Variants in TCF4 observed in about 807,000 individuals in gnomAD.
TCF4 encodes transcription factor 4.
Under a neutral mutation model 82.1 loss-of-function variants are expected in TCF4, and 3 were observed. The ratio of observed to expected loss-of-function variants is 0.04; its 90% CI spans 0.02 to 0.09. The LOEUF (loss-of-function observed/expected upper bound fraction) is 0.09, where lower values mean the gene tolerates loss of function less well. TCF4 is among the 10% of genes least tolerant of loss of function. TCF4 has a pLI of 1.00. For missense variants in TCF4, 518 were observed against 852.7 expected, an observed-to-expected ratio of 0.61 and a Z score of 4.89; for synonymous variants, 276 against 309.6, an observed-to-expected ratio of 0.89 and a Z score of 1.14.
At chr18:55,474,850 C>T (rs2096258895) in intron 3 of TCF4, among the ~76,000 whole-genome samples, 1 of 152,106 alleles carries the variant, frequency 6.6e-6, no homozygotes, top group Non-Finnish European at 1.5e-5. Context: ...ACACAGCTCA[C>T]CACAGCCGCA....
intron 8 of TCF4, among the ~76,000 whole-genome samples, chr18:55,296,396 CA>C (rs1193201205): frequency 6.6e-6 from 1 of 152,112 alleles, no homozygotes; most frequent in Non-Finnish European, 1.5e-5. Flanking sequence ...CTCTTGAGTG[CA>C]ATGTGGGAAA....
At chr18:55,575,166 G>A (rs2097517031) in intron 3 of TCF4, among the ~76,000 whole-genome samples, 1 of 152,048 alleles carries the variant, frequency 6.6e-6, no homozygotes, top group African/African-American at 2.4e-5. Context: ...TAAAATCAGG[G>A]GAAAATTAGA....
intron 8 of TCF4, among the ~76,000 whole-genome samples, chr18:55,288,158 T>C (rs1488097447): frequency 6.6e-6 from 1 of 152,212 alleles, no homozygotes; most frequent in Non-Finnish European, 1.5e-5. Context: ...TTATCATAGC[T>C]ATAGAACATT....
chr18:55,575,456 T>C (rs1295200803), intron 3 of TCF4, among the ~76,000 whole-genome samples: 4 of 152,202 alleles, frequency 2.6e-5, no homozygotes, highest in South Asian at 2.1e-4. Flanking sequence ...GGTTGTAGGG[T>C]TGCAAAATAT....
rs1349067575 is a variant in TCF4, at chr18:55,633,077, T to G, written c.196-1689A>C. Among the ~76,000 whole-genome samples the G allele has an allele frequency of 6.6e-6, 1 of 152,250 alleles. No individual in the cohort carries two copies. Among genetic ancestry groups the G allele is most frequent in the African/African-American group, 2.4e-5 (1 of 41,476 alleles). ...GCTGTATAAGAAATTAACCTGAAGC[T>G]TAGTGGCTTAAAACAACATTAAGTA... On this transcript the variant is annotated intron_variant, in intron 1 of 20. Coordinates refer to the TCF4 transcript ENST00000398339. This position sits in a 1 kb window ranked among gnomAD's most constrained non-coding sequence, Gnocchi z 4.0.
At chr18:55,270,218 A>G (rs1396997170) in intron 10 of TCF4, among the ~76,000 whole-genome samples, 1 of 152,158 alleles carries the variant, frequency 6.6e-6, no homozygotes, top group African/African-American at 2.4e-5. Context: ...AAATGATCAC[A>G]ATCTCGAAAT....
chr18:55,623,040 T>A (rs966854809), intron 2 of TCF4, among the ~76,000 whole-genome samples: 6 of 152,162 alleles, frequency 3.9e-5, no homozygotes, highest in African/African-American at 1.4e-4. Context: ...TTATAGCTAA[T>A]AAAATTGTGA....
chr18:55,458,597 C>T (rs538999984), intron 5 of TCF4, among the ~76,000 whole-genome samples: 15 of 152,258 alleles, frequency 9.9e-5, no homozygotes, highest in Admixed American at 4.6e-4. Context: ...TATGGCTCAT[C>T]TGAAAAGTGG....
Position 55,501,220 on chromosome 18 carries a change from T to C in TCF4, c.146-37083A>G, listed in dbSNP as rs76926494. On this transcript the variant is annotated intron_variant, in intron 3 of 19. Coordinates refer to ENST00000354452, the MANE Select transcript of TCF4 (RefSeq NM_001083962.2). The stretch of plus-strand genomic sequence containing the variant: ...TTCATGCACATTATCACTTAATAAA[T>C]CAAGCCACTCTTAGTATTCATTTTA... Among the ~76,000 whole-genome samples, 329 of 152,262 alleles carry C rather than the reference T, an allele frequency of 2.2e-3. 3 individuals carry two copies. The highest frequency in any genetic ancestry group is 7.6e-3 in the African/African-American group (317 of 41,562).
chr18:55,320,592 GT>G (rs1436097823), intron 8 of TCF4, among the ~76,000 whole-genome samples: 7 of 152,190 alleles, frequency 4.6e-5, no homozygotes, highest in African/African-American at 9.7e-5. Flanking sequence ...ACATACACAT[GT>G]TTAATTCGTT....
chr18:55,359,922 G>A (rs2057080332), intron 6 of TCF4, among the ~76,000 whole-genome samples: 1 of 152,130 alleles, frequency 6.6e-6, no homozygotes, highest in Non-Finnish European at 1.5e-5. Context: ...TCTATGACAG[G>A]TTTGGTTGAA....
chr18:55,512,097 A>C (rs2096834773), intron 3 of TCF4, among the ~76,000 whole-genome samples: 1 of 152,150 alleles, frequency 6.6e-6, no homozygotes, highest in Non-Finnish European at 1.5e-5. Context: ...CACGTTAATA[A>C]GATAAAAATA....
intron 3 of TCF4, among the ~76,000 whole-genome samples, chr18:55,507,126 G>A (rs1212480320): frequency 2.0e-5 from 3 of 152,182 alleles, no homozygotes; most frequent in Non-Finnish European, 2.9e-5. Context: ...GCCTCCCAAA[G>A]TGCTGGGATT....
rs139471790 is a variant in TCF4, at chr18:55,361,795, C to T, written c.370-10792G>A. On this transcript the variant is annotated intron_variant, in intron 6 of 19. Transcript: ENST00000354452. ...ATACAAATAACAGCAAATATCTATACAGTGTTTGGTATGCCTCAGGCTGTT... is the reference window on the plus strand; with the variant it reads ...ATACAAATAACAGCAAATATCTATATAGTGTTTGGTATGCCTCAGGCTGTT... Among the ~76,000 whole-genome samples the T allele has an allele frequency of 6.0e-3, 908 of 152,336 alleles. 2 individuals are homozygous for T. Among genetic ancestry groups the T allele is most frequent in the Non-Finnish European group, 0.01 (713 of 68,030 alleles).
chr18:55,421,728 T>C (rs1385703823), intron 5 of TCF4, among the ~76,000 whole-genome samples: 4 of 152,148 alleles, frequency 2.6e-5, no homozygotes, highest in African/African-American at 9.7e-5. Flanking sequence ...AAAGATCAAA[T>C]AGAAAATGAA....
chr18:55,389,088 T>A (rs1326784134), intron 6 of TCF4, among the ~76,000 whole-genome samples: 1 of 152,076 alleles, frequency 6.6e-6, no homozygotes. Flanking sequence ...ATCACACCAC[T>A]GCACTTCAGC....
chr18:55,525,298 T>C (rs2096970750), intron 3 of TCF4, among the ~76,000 whole-genome samples: 2 of 151,104 alleles, frequency 1.3e-5, no homozygotes, highest in South Asian at 2.1e-4. Flanking sequence ...CTTTGATTGA[T>C]TTTTTTTTCC....
chr18:55,319,190 C>T (rs771105614), intron 8 of TCF4, among the ~76,000 whole-genome samples: 7 of 152,142 alleles, frequency 4.6e-5, no homozygotes, highest in Non-Finnish European at 8.8e-5. Context: ...AACCTCCAAA[C>T]GATAAGTAAA....
chr18:55,389,340 G>A (rs907840636), intron 6 of TCF4, among the ~76,000 whole-genome samples: 2 of 152,056 alleles, frequency 1.3e-5, no homozygotes, highest in African/African-American at 4.8e-5. Flanking sequence ...AGATAGAGAC[G>A]GCAAGCCTAG....
Sources: gnomAD v4.1 joint callset for allele counts (sites outside exome capture counted in the v4.1 genomes callset) on GRCh38, gnomAD v4.1.1 for gene constraint, Gnocchi (gnomAD v3.1) non-coding constraint, MANE v1.5 for transcripts, NCBI Gene and HGNC (gene_info 2026-07-23, HGNC 2026-07-21) for gene names.